The following MYO5B variants were observed in gnomAD, a reference collection of about 807,000 sequenced individuals.
MYO5B encodes the protein unconventional myosin-Vb.
Under a neutral mutation model 229.3 loss-of-function variants are expected in MYO5B, and 143 were observed. The observed-to-expected ratio is 0.62, with a 90% CI of 0.54 to 0.72. The LOEUF is 0.72. Ranked by LOEUF, MYO5B falls within the 30% of genes least tolerant of loss-of-function variation. The probability of loss-of-function intolerance (pLI) is 0.00; values close to 1 mark genes in which losing one functional copy is unlikely to be tolerated. For missense variants in MYO5B, 2,321 were observed against 2,331.0 expected (o/e 1.00, Z 0.09); for synonymous variants, 918 against 885.2 (o/e 1.04, Z -0.66).
rs1385417225 is a variant in MYO5B, at chr18:49,912,158, G to A, written c.2106C>T (p.Asp702=). 6.2e-7 allele frequency: 1 copy of A among 1,613,954 alleles called. No individual in the cohort carries two copies. Among genetic ancestry groups the A allele is most frequent in the Admixed American group, 1.7e-5 (1 of 60,022 alleles). Residue 702 remains aspartate (D), a synonymous_variant, in exon 18 of 40, where the codon GAC becomes GAT. Transcript: ENST00000285039. ...CCAGCACCCGATACCGGTTGAAAAA[G>A]TCATGGTAGGCCCACCTGGAGGGAA... The part of the protein sequence containing the change: ...AGYPSRWAYH[D]FFNRYRVLVK...
intron 1 of MYO5B, among the ~76,000 whole-genome samples, chr18:50,121,597 A>G (rs1055907183): frequency 5.9e-5 from 9 of 152,220 alleles, no homozygotes; most frequent in African/African-American, 2.2e-4. Context: ...ACTATCACCA[A>G]TGGAAGGCAT....
chr18:50,077,877 A>G (rs2031126021), intron 1 of MYO5B, among the ~76,000 whole-genome samples: 1 of 152,168 alleles, frequency 6.6e-6, no homozygotes, highest in African/African-American at 2.4e-5. Flanking sequence ...ACATACTACA[A>G]TAACACATCC....
intron 2 of MYO5B, among the ~76,000 whole-genome samples, chr18:50,042,440 G>A (rs1389554291): frequency 2.0e-5 from 3 of 151,990 alleles, no homozygotes; most frequent in Non-Finnish European, 4.4e-5. Flanking sequence ...ACAGTTTCCT[G>A]TTTTTTTCTT....
intron 2 of MYO5B, among the ~76,000 whole-genome samples, chr18:50,041,455 T>A (rs2030012314): frequency 6.6e-6 from 1 of 152,122 alleles, no homozygotes; most frequent in South Asian, 2.1e-4. Context: ...AGGGCTAAGA[T>A]AGGCAGATAA....
intron 14 of MYO5B, among the ~76,000 whole-genome samples, chr18:49,945,453 C>CT (rs35737218): frequency 0.14 from 20,892 of 149,120 alleles, 1,558 homozygotes; most frequent in South Asian, 0.22. Flanking sequence ...TCATGCAGTC[C>CT]TTTTTTTTTT....
At chr18:49,859,148 C>T (rs998625154) in intron 29 of MYO5B, among the ~76,000 whole-genome samples, 2 of 152,224 alleles carry the variant, frequency 1.3e-5, no homozygotes, top group African/African-American at 2.4e-5. Flanking sequence ...ACTCCCAGCC[C>T]CACCTGTAAT....
chr18:50,187,449 C>T lies in MYO5B; in HGVS notation c.27+7318G>A, dbSNP rs145018071. Reference sequence around the variant, plus strand: ...GTTCTTGCCCAAAAGTCACAACCTCCATGTAAGCATAAGACAGTCTGACAA... The same window carrying T: ...GTTCTTGCCCAAAAGTCACAACCTCTATGTAAGCATAAGACAGTCTGACAA... On this transcript the variant is annotated intron_variant, in intron 1 of 39. Coordinates refer to ENST00000285039, the MANE Select transcript of MYO5B (RefSeq NM_001080467.3). 1.1e-4 allele frequency among the ~76,000 whole-genome samples: 16 copies of T among 151,898 alleles called. No individual in the cohort carries two copies. The East Asian group carries it at 3.1e-3, about 30-fold the overall frequency.
intron 32 of MYO5B, among the ~76,000 whole-genome samples, chr18:49,848,951 G>A (rs938983603): frequency 6.6e-6 from 1 of 152,010 alleles, no homozygotes; most frequent in African/African-American, 2.4e-5. Context: ...TGTCTAAGAC[G>A]AGACTCAAGC....
intron 1 of MYO5B, among the ~76,000 whole-genome samples, chr18:50,170,484 A>G (rs1262429972): frequency 7.8e-6 from 1 of 127,630 alleles, no homozygotes; most frequent in Non-Finnish European, 1.7e-5. Flanking sequence ...AAATCATTCT[A>G]TATTTTATTT....
At chr18:50,106,143 C>G (rs986553943) in intron 1 of MYO5B, among the ~76,000 whole-genome samples, 14 of 152,048 alleles carry the variant, frequency 9.2e-5, no homozygotes, top group South Asian at 4.2e-4. Flanking sequence ...GTCTTCACTT[C>G]CCCTCTACCT....
At chr18:49,943,970 G>A (rs143160512) in intron 14 of MYO5B, among the ~76,000 whole-genome samples, 8 of 152,280 alleles carry the variant, frequency 5.3e-5, no homozygotes, top group African/African-American at 1.7e-4. Flanking sequence ...ACCTATGAAG[G>A]AGCTCTGTGC....
intron 4 of MYO5B, among the ~76,000 whole-genome samples, chr18:50,001,866 C>T (rs990239534): frequency 1.3e-5 from 2 of 152,064 alleles, no homozygotes; most frequent in African/African-American, 4.8e-5. Flanking sequence ...CCTGTCTCTA[C>T]TAAAAAACAA....
At chr18:49,842,758 C>T (rs183153489) in intron 34 of MYO5B, among the ~76,000 whole-genome samples, 4 of 152,328 alleles carry the variant, frequency 2.6e-5, no homozygotes, top group Non-Finnish European at 5.9e-5. Flanking sequence ...TGTCCTGGCC[C>T]AGGTTGCCTC....
At position 49,849,661 on chromosome 18, in the gene MYO5B, C is replaced by G; in HGVS notation, c.4222-1G>C. On this transcript the variant is annotated splice_acceptor_variant, in intron 31 of 39. Transcript: ENST00000285039. LOFTEE classifies it high-confidence loss of function. ...GCTTTTCTACCAGTTCTTTAAGGTC[C>G]TGGAAGCAGAGGAAGCAGTGTGAGA... is the stretch of plus-strand genomic sequence containing the variant. 6.2e-7 allele frequency: 1 copy of G among 1,611,728 alleles called. No individual in the cohort carries two copies. The highest frequency in any genetic ancestry group is 8.5e-7 in the Non-Finnish European group (1 of 1,178,030).
At chr18:49,924,320 A>C (rs996830619) in intron 17 of MYO5B, among the ~76,000 whole-genome samples, 1 of 152,200 alleles carries the variant, frequency 6.6e-6, no homozygotes, top group Non-Finnish European at 1.5e-5. Flanking sequence ...AGAACTCTAG[A>C]TACATTATCT....
intron 4 of MYO5B, among the ~76,000 whole-genome samples, chr18:50,014,562 C>T (rs1266993019): frequency 3.3e-5 from 5 of 152,126 alleles, no homozygotes; most frequent in South Asian, 2.1e-4. Flanking sequence ...CACTGTAATG[C>T]GGCACCTACC....
rs370839395 is a variant in MYO5B at position 50,011,179 on chromosome 18, A to G, written c.456-9768T>C. Among the ~76,000 whole-genome samples, 11 of 152,256 alleles carry G rather than the reference A, an allele frequency of 7.2e-5. No individual in the cohort carries two copies. The East Asian group carries it at 1.4e-3, about 19-fold the overall frequency. ...AACATGGTGAAACCCTGACTCTACT[A>G]AAAATACCAAAAATTAGCCGGGCGT... is the stretch of plus-strand genomic sequence containing the variant. On this transcript the variant is annotated intron_variant, in intron 4 of 39. Coordinates refer to ENST00000285039, the MANE Select transcript of MYO5B (RefSeq NM_001080467.3).
At chr18:50,059,448 T>G (rs928040112) in intron 1 of MYO5B, among the ~76,000 whole-genome samples, 1 of 152,212 alleles carries the variant, frequency 6.6e-6, no homozygotes, top group African/African-American at 2.4e-5. Context: ...AACAAGTTAA[T>G]GCCGACTTTG....
In MYO5B at chr18:50,127,511, T is replaced by G. The variant is rs35564263; in HGVS notation, c.27+67256A>C. Among the ~76,000 whole-genome samples, 1,129 of 151,990 alleles carry G rather than the reference T, an allele frequency of 7.4e-3. 6 individuals carry two copies. Among genetic ancestry groups the G allele is most frequent in the Non-Finnish European group, 0.011 (766 of 67,956 alleles). On this transcript the variant is annotated intron_variant, in intron 1 of 39. Transcript: ENST00000285039. ...CACACCTGGTAGAGGAGGTAAGGAG[T>G]CCTCAGCTGAAAGAGAACAATGGAG...
Sources: gnomAD v4.1 joint callset for allele counts (sites outside exome capture counted in the v4.1 genomes callset) on GRCh38, gnomAD v4.1.1 for gene constraint, MANE v1.5 for transcripts, NCBI Gene and HGNC (gene_info 2026-07-23, HGNC 2026-07-21) for gene names.